NHSL1: variants seen among roughly 807,000 people sequenced by gnomAD.
NHSL1 encodes the protein NHS like 1.
NHSL1 carries 48 observed loss-of-function variants against 95.0 expected under a neutral mutation model. That is an observed-to-expected ratio of 0.51 (90% confidence interval 0.40 to 0.64). NHSL1 has a LOEUF of 0.64. Ranked by LOEUF, NHSL1 falls within the 30% of genes least tolerant of loss-of-function variation. The pLI is 0.00. For missense variants in NHSL1, 1,971 were observed against 2,077.7 expected, an observed-to-expected ratio of 0.95 and a Z score of 1.00; for synonymous variants, 783 against 833.9, an observed-to-expected ratio of 0.94 and a Z score of 1.05.
At chr6:138,563,223 T>C (rs1783479185) in intron 1 of NHSL1, among the ~76,000 whole-genome samples, 2 of 152,240 alleles carry the variant, frequency 1.3e-5, no homozygotes, top group Non-Finnish European at 1.5e-5. Flanking sequence ...AATGAACTCA[T>C]GTAAAGTTTT....
chr6:138,456,186 C>T (rs750729435), intron 3 of NHSL1, among the ~76,000 whole-genome samples: 2 of 152,118 alleles, frequency 1.3e-5, no homozygotes, highest in Non-Finnish European at 2.9e-5. Flanking sequence ...AGCTGTAAAC[C>T]AGGGCTGTTC....
chr6:138,592,157 A>C (rs1784239308), intron 1 of NHSL1, among the ~76,000 whole-genome samples: 1 of 152,208 alleles, frequency 6.6e-6, no homozygotes, highest in South Asian at 2.1e-4. Flanking sequence ...ACACAATATT[A>C]AATACCCATA....
chr6:138,688,160 C>A (rs972854704), intron 1 of NHSL1, among the ~76,000 whole-genome samples: 3 of 152,062 alleles, frequency 2.0e-5, no homozygotes, highest in African/African-American at 7.2e-5. Flanking sequence ...CCATGTTGGC[C>A]AGGCTGGTCT....
Position 138,431,646 on chromosome 6 carries a change from G to T in NHSL1, c.2699C>A (p.Ser900Ter). 6.4e-7 allele frequency: 1 copy of T among 1,551,640 alleles called. No homozygotes were observed. The highest frequency in any genetic ancestry group is 1.2e-5 in the South Asian group (1 of 84,066). Residue 900 changes from serine (S) to a stop codon, truncating the protein, a stop_gained, in exon 6 of 8, where the codon TCA becomes TAA. Coordinates refer to ENST00000343505, the MANE Select transcript of NHSL1 (RefSeq NM_001144060.2). LOFTEE classifies it high-confidence loss of function. This position sits in a 1 kb window ranked among gnomAD's most constrained non-coding sequence, Gnocchi z 4.0. ...SSLISSVSIS[S>*]SSTSLSSSTS... ...ACTAGAAGAAAGAGAAGTGGACGAT[G>T]AGGAAATGGATACTGAAGATATCAG...
intron 1 of NHSL1, among the ~76,000 whole-genome samples, chr6:138,560,307 C>T (rs891105799): frequency 1.3e-5 from 2 of 152,140 alleles, no homozygotes; most frequent in South Asian, 2.1e-4. Flanking sequence ...AAAGCAATGT[C>T]GAAAGACAGA....
At chr6:138,639,941 T>TAA (rs1784939127) in intron 1 of NHSL1, among the ~76,000 whole-genome samples, 1 of 150,252 alleles carries the variant, frequency 6.7e-6, no homozygotes, top group Non-Finnish European at 1.5e-5. Flanking sequence ...TATTTTATCA[T>TAA]AAATACCTGA....
chr6:138,684,789 A>G (rs772707970), intron 1 of NHSL1, among the ~76,000 whole-genome samples: 11 of 152,202 alleles, frequency 7.2e-5, no homozygotes, highest in Non-Finnish European at 1.6e-4. Flanking sequence ...AGTGCAGACC[A>G]CAAATGAAAC....
Position 138,424,691 on chromosome 6 carries a change from G to A in NHSL1, c.4211C>T (p.Ser1404Leu). 1.3e-6 allele frequency: 2 copies of A among 1,551,514 alleles called. No individual in the cohort carries two copies. The highest frequency in any genetic ancestry group is 1.7e-6 in the Non-Finnish European group (2 of 1,146,958). The change falls in exon 8 of 8, where the codon TCG (serine) becomes TTG (leucine). Residue 1404 changes from serine to leucine, a missense_variant. Around this residue, in one of 3 missense-constraint regions of NHSL1, gnomAD observed 146 missense variants for 206.3 expected, o/e 0.71. Transcript: ENST00000343505. The surrounding 1 kb of genome is among the most constrained non-coding windows in gnomAD (Gnocchi z 5.9). Reference protein sequence around the residue: ...PSLASPKQVGSIQRSIRKSST... With the variant: ...PSLASPKQVGLIQRSIRKSST... ...GCTCTTTCGGATGCTTCTCTGAATC[G>A]ACCCCACTTGCTTTGGAGAGGCCAG...
At chr6:138,530,279 C>A (rs529566023) in intron 1 of NHSL1, among the ~76,000 whole-genome samples, 2 of 152,200 alleles carry the variant, frequency 1.3e-5, no homozygotes, top group Non-Finnish European at 2.9e-5. Flanking sequence ...CAAGAATGAC[C>A]ATGTTGGCAG....
intron 3 of NHSL1, among the ~76,000 whole-genome samples, chr6:138,462,392 C>G (rs1185154053): frequency 1.3e-5 from 2 of 152,128 alleles, no homozygotes; most frequent in Non-Finnish European, 2.9e-5. Context: ...CCACAAGAAC[C>G]AATCCCATCA....
chr6:138,576,639 G>T (rs1783976536), upstream of NHSL1, among the ~76,000 whole-genome samples: 1 of 152,148 alleles, frequency 6.6e-6, no homozygotes, highest in African/African-American at 2.4e-5. Context: ...GAGTTAATGA[G>T]GGCTCACGGA....
chr6:138,607,415 T>C (rs1327607870), intron 1 of NHSL1, among the ~76,000 whole-genome samples: 7 of 152,224 alleles, frequency 4.6e-5, no homozygotes, highest in Non-Finnish European at 8.8e-5. Context: ...GAGGTCAAAC[T>C]ACTTCATCTG....
intron 2 of NHSL1, among the ~76,000 whole-genome samples, chr6:138,479,745 G>T (rs1562312621): frequency 6.6e-6 from 1 of 152,178 alleles, no homozygotes; most frequent in Non-Finnish European, 1.5e-5. Flanking sequence ...AAAATGCAAG[G>T]TGCTTTGTGA....
chr6:138,453,934 G>GA (rs1348387442), intron 3 of NHSL1, among the ~76,000 whole-genome samples: 2 of 152,128 alleles, frequency 1.3e-5, no homozygotes, highest in African/African-American at 4.8e-5. Flanking sequence ...TTCCTCAAAT[G>GA]AAAGAAAATA....
chr6:138,667,441 C>T (rs1333470208), intron 1 of NHSL1, among the ~76,000 whole-genome samples: 2 of 152,102 alleles, frequency 1.3e-5, no homozygotes, highest in Admixed American at 6.5e-5. Context: ...AAATTCATGT[C>T]AATGAAACTG....
intron 1 of NHSL1, among the ~76,000 whole-genome samples, chr6:138,533,602 G>C (rs1010386692): frequency 6.6e-6 from 1 of 152,270 alleles, no homozygotes; most frequent in Admixed American, 6.5e-5. Context: ...GATTTACTAA[G>C]AGAAATAATC....
At chr6:138,498,016 T>C (rs1490363521) in intron 1 of NHSL1, among the ~76,000 whole-genome samples, 1 of 152,212 alleles carries the variant, frequency 6.6e-6, no homozygotes, top group Non-Finnish European at 1.5e-5. Context: ...GAGCAAATGT[T>C]TTGCATGGTG....
chr6:138,522,176 A>G (rs1420156191), intron 1 of NHSL1, among the ~76,000 whole-genome samples: 1 of 152,222 alleles, frequency 6.6e-6, no homozygotes, highest in Non-Finnish European at 1.5e-5. Flanking sequence ...GATCAGATGC[A>G]GACTTTTTTA....
At chr6:138,610,550 T>A (rs11154985) in intron 1 of NHSL1, among the ~76,000 whole-genome samples, 36,737 of 122,406 alleles carry the variant, frequency 0.3, 4,800 homozygotes, top group African/African-American at 0.46. Context: ...AATAAAAAAA[T>A]ATATATATAT....
Sources: allele counts gnomAD v4.1 joint callset (sites outside exome capture counted in the v4.1 genomes callset), GRCh38; gene constraint gnomAD v4.1.1; regional missense constraint gnomAD v4.1.1; non-coding constraint Gnocchi (gnomAD v3.1); transcripts MANE v1.5; gene names NCBI Gene and HGNC (gene_info 2026-07-23, HGNC 2026-07-21).